TJP2: variants seen among roughly 807,000 people sequenced by gnomAD.
TJP2 encodes tight junction protein 2.
Under a neutral mutation model 133.1 loss-of-function variants are expected in TJP2, and 91 were observed. The observed-to-expected ratio is 0.68, with a 90% CI of 0.58 to 0.81. The LOEUF is 0.81. TJP2 is among the 40% of genes least tolerant of loss of function. TJP2 has a pLI of 0.00. For synonymous variants in TJP2, 592 were observed against 583.4 expected, an observed-to-expected ratio of 1.01 and a Z score of -0.21; for missense variants, 1,541 against 1,565.6, an observed-to-expected ratio of 0.98 and a Z score of 0.26.
intron 5 of TJP2, among the ~76,000 whole-genome samples, chr9:69,224,135 T>C (rs1320084252): frequency 2.6e-5 from 4 of 152,242 alleles, no homozygotes; most frequent in Non-Finnish European, 4.4e-5. Context: ...GTTTTTGTTT[T>C]TGATAGCAAT....
rs1296626653 is a variant in TJP2, at chr9:69,221,093, G to A, written c.549G>A (p.Arg183=). The A allele has an allele frequency of 1.3e-6, 2 of 1,585,846 alleles. No homozygotes were observed. The highest frequency in any genetic ancestry group is 1.7e-6 in the Non-Finnish European group (2 of 1,166,562). ...CGGAAAGGGGGCGTCCCCATGAGCG[G>A]GCCCGGAGCCGGGAGCGGGACCTCA... ...DSPERGRPHE[R]ARSRERDLSR... The change falls in exon 5 of 23, where the codon CGG becomes CGA. Residue 183 remains arginine (R), a synonymous_variant. Transcript: ENST00000377245.
chr9:69,230,508 T>TC (rs1829692515), intron 11 of TJP2, among the ~76,000 whole-genome samples: 1 of 152,238 alleles, frequency 6.6e-6, no homozygotes. Context: ...ATTGAGACTC[T>TC]AAGTAAGCAC....
rs369881854 is a variant in TJP2 at position 69,216,295 on chromosome 9, C to T, written c.115-44C>T. 118 of 1,612,702 alleles carry T rather than the reference C, an allele frequency of 7.3e-5. 6 individuals carry two copies. The highest frequency in any genetic ancestry group is 4.7e-4 in the East Asian group (21 of 44,858). On this transcript the variant is annotated intron_variant, in intron 2 of 22. Coordinates refer to ENST00000377245, the MANE Select transcript of TJP2 (RefSeq NM_004817.4). ...AGTGCTTGTAATAAATCCTGAAAGC[C>T]ACTTATTGAAGGATTTTTAATATTT...
chr9:69,184,323 A>G (rs1486963472), intron 1 of TJP2, among the ~76,000 whole-genome samples: 3 of 152,230 alleles, frequency 2.0e-5, no homozygotes, highest in Non-Finnish European at 4.4e-5. Context: ...AAAAAAAGTT[A>G]GAAAGCTGCT....
intron 2 of TJP2, among the ~76,000 whole-genome samples, chr9:69,155,227 CAAAAAAAAAAAAAA>C (rs58935075): frequency 2.0e-5 from 2 of 98,772 alleles, no homozygotes; most frequent in Admixed American, 1.1e-4. Flanking sequence ...ACTCCATTTC[CAAAAAAAAAAAAAA>C]AAAAAAAAGG....
chr9:69,161,938 T>C (rs1350829009), intron 2 of TJP2, among the ~76,000 whole-genome samples: 6 of 150,008 alleles, frequency 4.0e-5, no homozygotes, highest in Admixed American at 3.3e-4. Context: ...TTCCAGCTAC[T>C]TGGGAGGGTG....
rs567738791 is a variant in TJP2 at position 69,246,565 on chromosome 9, A to C, written c.2567-125A>C. ...GGGTTTTAATATTCAAAGATGTGCA[A>C]ACATCTTCTTGCGTCTGCCATAGTC... is the stretch of plus-strand genomic sequence containing the variant. On this transcript the variant is annotated intron_variant, in intron 17 of 22. Transcript: ENST00000377245. 1.3e-4 allele frequency: 104 copies of C among 816,332 alleles called. No individual in the cohort carries two copies. The African/African-American group carries it at 1.6e-3, about 13-fold the overall frequency. The allele number at this position is 816,332 out of a possible 1,614,324, so 50.6% of individuals were successfully genotyped here. A position where few individuals can be genotyped will look rare whatever the true frequency, so the allele number is the denominator to read the frequency against.
intron 17 of TJP2, among the ~76,000 whole-genome samples, chr9:69,244,205 A>G (rs1056653926): frequency 1.3e-5 from 2 of 151,710 alleles, no homozygotes; most frequent in South Asian, 2.1e-4. Context: ...AAAAAAAAAA[A>G]AAGTATGCAA....
At chr9:69,178,807 G>A (rs982904332) in intron 1 of TJP2, among the ~76,000 whole-genome samples, 2 of 152,116 alleles carry the variant, frequency 1.3e-5, no homozygotes, top group South Asian at 2.1e-4. Flanking sequence ...TAGAGTGATA[G>A]GGGAGGAAGT....
chr9:69,234,959 G>C (rs551821951), intron 12 of TJP2, among the ~76,000 whole-genome samples: 3 of 152,296 alleles, frequency 2.0e-5, no homozygotes, highest in African/African-American at 7.2e-5. Context: ...AGTGGGTGTT[G>C]AGAGTGTCCT....
chr9:69,242,011 C>T (rs73452911), intron 17 of TJP2, among the ~76,000 whole-genome samples: 3,946 of 152,278 alleles, frequency 0.026, 145 homozygotes, highest in African/African-American at 0.084. Context: ...CACTAAATAG[C>T]GAGCGTCTTC....
chr9:69,206,646 C>T (rs773295517), intron 1 of TJP2, among the ~76,000 whole-genome samples: 1 of 152,024 alleles, frequency 6.6e-6, no homozygotes, highest in African/African-American at 2.4e-5. Flanking sequence ...GGCGCGATTT[C>T]GGCTCACTGC....
chr9:69,171,392 C>T (rs1824673405), upstream of TJP2, among the ~76,000 whole-genome samples: 2 of 152,156 alleles, frequency 1.3e-5, no homozygotes, highest in African/African-American at 4.8e-5. Flanking sequence ...CCTCCCCCAC[C>T]AACCCCTGTC....
chr9:69,174,199 A>ACGC (rs964459023), upstream of TJP2: 259 of 1,388,426 alleles, frequency 1.9e-4, no homozygotes, highest in Admixed American at 2.1e-4. Context: ...GGGCGGGCTG[A>ACGC]CGCCGCCGCC....
chr9:69,161,893 A>G (rs575798594), intron 2 of TJP2, among the ~76,000 whole-genome samples: 43 of 150,094 alleles, frequency 2.9e-4, no homozygotes, highest in African/African-American at 9.5e-4. Context: ...ACTAAAAAAT[A>G]CAAAATTAGC....
intron 2 of TJP2, among the ~76,000 whole-genome samples, chr9:69,166,046 C>G (rs1463730875): frequency 5.9e-5 from 9 of 152,234 alleles, no homozygotes; most frequent in Non-Finnish European, 5.9e-5. Flanking sequence ...TCCCCAAACA[C>G]CAGTCTAGGG....
intron 8 of TJP2, 43 bp downstream of exon 8, chr9:69,227,916 G>T (rs199897749): frequency 4.1e-4 from 656 of 1,612,990 alleles, no homozygotes; most frequent in Non-Finnish European, 4.9e-4. Context: ...CATTGTGAAT[G>T]TACACACATA....
In TJP2 at chr9:69,238,607, C is replaced by G. The variant is rs1830363763; in HGVS notation, c.2276-103C>G. The G allele has an allele frequency of 4.6e-6, 4 of 869,778 alleles. No individual in the cohort carries two copies. The South Asian group carries it at 5.7e-5, about 12-fold the overall frequency. The allele number at this position is 869,778 out of a possible 1,614,324, so 53.9% of individuals were successfully genotyped here. On this transcript the variant is annotated intron_variant, in intron 15 of 22. Coordinates refer to ENST00000377245, the MANE Select transcript of TJP2 (RefSeq NM_004817.4). ...CTTCCCACTGAATCTTGTTAGGAGA[C>G]ACTTAATGTCAGGTGTGCCATCATT...
At chr9:69,131,145 A>G (rs1489049502) in intron 1 of TJP2, among the ~76,000 whole-genome samples, 1 of 152,220 alleles carries the variant, frequency 6.6e-6, no homozygotes, top group East Asian at 1.9e-4. Context: ...ACGTAAAACC[A>G]GGATGAGTTT....
Sources: gnomAD v4.1 joint callset for allele counts (sites outside exome capture counted in the v4.1 genomes callset) on GRCh38, gnomAD v4.1.1 for gene constraint, MANE v1.5 for transcripts, NCBI Gene and HGNC (gene_info 2026-07-23, HGNC 2026-07-21) for gene names.